NOX3: variants seen among roughly 807,000 people sequenced by gnomAD.
NOX3 encodes the protein NADPH oxidase catalytic subunit-like 3.
Under a neutral mutation model 76.7 loss-of-function variants are expected in NOX3, and 74 were observed. That is an observed-to-expected ratio of 0.96 (90% confidence interval 0.80 to 1.17). The LOEUF (loss-of-function observed/expected upper bound fraction) is 1.17. NOX3 is among the 50% of genes most tolerant of loss of function. The probability of loss-of-function intolerance (pLI) is 0.00; values close to 1 mark genes in which losing one functional copy is unlikely to be tolerated. For synonymous variants in NOX3, 263 were observed against 261.1 expected (o/e 1.01, Z -0.07); for missense variants, 695 against 703.3 (o/e 0.99, Z 0.13).
At chr6:155,432,768 G>C (rs188283909) in intron 7 of NOX3, among the ~76,000 whole-genome samples, 1 of 152,270 alleles carries the variant, frequency 6.6e-6, no homozygotes, top group East Asian at 1.9e-4. Flanking sequence ...GCCCAGCAAT[G>C]TGTTCAGAAC....
At chr6:155,442,202 T>C (rs374302566) in intron 5 of NOX3, among the ~76,000 whole-genome samples, 4 of 152,090 alleles carry the variant, frequency 2.6e-5, no homozygotes, top group Middle Eastern at 6.3e-3. Context: ...AGGCGGAGCT[T>C]GCAGTGAGCC....
At chr6:155,445,365 T>C (rs1338741655) in intron 4 of NOX3, among the ~76,000 whole-genome samples, 1 of 152,194 alleles carries the variant, frequency 6.6e-6, no homozygotes, top group Admixed American at 6.5e-5. Context: ...ACATTGTGGG[T>C]TGAGGTGTGG....
chr6:155,411,172 T>G (rs1776544554), intron 11 of NOX3, 42 bp downstream of exon 11: 1 of 1,570,144 alleles, frequency 6.4e-7, no homozygotes, highest in Non-Finnish European at 8.7e-7. Context: ...TGCTATTAGA[T>G]GAGTTCAGCA....
chr6:155,400,329 G>A (rs1426480761), intron 12 of NOX3, among the ~76,000 whole-genome samples: 3 of 152,076 alleles, frequency 2.0e-5, no homozygotes, highest in Middle Eastern at 3.2e-3. Flanking sequence ...TTATGTGTTG[G>A]CTTTTATGCT....
rs374191923 is a variant in NOX3, at chr6:155,422,540, G to A, written c.1308+154C>T. On this transcript the variant is annotated intron_variant, in intron 10 of 13. Coordinates refer to ENST00000159060, the MANE Select transcript of NOX3 (RefSeq NM_015718.3). Reference sequence around the variant, plus strand: ...TAACCCTACTCATAAATGTAATACTGAGTGGAGATTTTTAAGAACATAAGT... The same window carrying A: ...TAACCCTACTCATAAATGTAATACTAAGTGGAGATTTTTAAGAACATAAGT... Among the ~76,000 whole-genome samples, 53 of 152,292 alleles carry A rather than the reference G, an allele frequency of 3.5e-4. No individual in the cohort carries two copies. The South Asian group carries it at 0.011, about 30-fold the overall frequency.
In NOX3 at chr6:155,411,376, G is replaced by A. The variant is rs376412925; in HGVS notation, c.1309-16C>T. Reference sequence around the variant, plus strand: ...AGAAATACACCTGTCAAGAGAGAAGGCAAGTGAACGGATCTATTCTCTTTT... The same window carrying A: ...AGAAATACACCTGTCAAGAGAGAAGACAAGTGAACGGATCTATTCTCTTTT... On this transcript the variant is annotated splice_polypyrimidine_tract_variant and intron_variant, in intron 10 of 13. Coordinates refer to ENST00000159060, the MANE Select transcript of NOX3 (RefSeq NM_015718.3). 1.2e-6 allele frequency: 2 copies of A among 1,609,422 alleles called. No individual in the cohort carries two copies. The highest frequency in any genetic ancestry group is 1.7e-5 in the Admixed American group (1 of 59,352).
chr6:155,426,798 C>A (rs1776759650), intron 9 of NOX3, among the ~76,000 whole-genome samples: 1 of 152,066 alleles, frequency 6.6e-6, no homozygotes, highest in African/African-American at 2.4e-5. Context: ...TACTGAGTAA[C>A]CAGTACTGAG....
At chr6:155,405,147 G>A (rs980971931) in intron 12 of NOX3, among the ~76,000 whole-genome samples, 1 of 152,142 alleles carries the variant, frequency 6.6e-6, no homozygotes, top group African/African-American at 2.4e-5. Flanking sequence ...GGAAGCCCAC[G>A]AGGCAGAAAT....
intron 7 of NOX3, among the ~76,000 whole-genome samples, chr6:155,435,516 A>T (rs1250306644): frequency 8.0e-6 from 1 of 125,578 alleles, no homozygotes; most frequent in Admixed American, 7.3e-5. Flanking sequence ...AATTTAATAT[A>T]TTTGAGGGTT....
chr6:155,408,953 G>C (rs530015765), intron 11 of NOX3, among the ~76,000 whole-genome samples: 19 of 151,496 alleles, frequency 1.3e-4, no homozygotes, highest in African/African-American at 3.1e-4. Flanking sequence ...GGCTCCAAAA[G>C]GGGGGGAGGG....
At chr6:155,433,097 G>A (rs539626920) in intron 7 of NOX3, among the ~76,000 whole-genome samples, 10 of 152,248 alleles carry the variant, frequency 6.6e-5, no homozygotes, top group African/African-American at 1.9e-4. Flanking sequence ...ACTTCATTTT[G>A]GTGATGTCAA....
intron 3 of NOX3, among the ~76,000 whole-genome samples, chr6:155,454,403 A>C (rs986991257): frequency 6.6e-6 from 1 of 152,230 alleles, no homozygotes; most frequent in East Asian, 1.9e-4. Flanking sequence ...AGAGGTTAAA[A>C]TCTACATAAT....
At chr6:155,396,608 G>T (rs569412282) in intron 13 of NOX3, among the ~76,000 whole-genome samples, 2 of 152,306 alleles carry the variant, frequency 1.3e-5, no homozygotes, top group South Asian at 4.1e-4. Flanking sequence ...TGACTTCAGC[G>T]TCCATCAGTA....
intron 13 of NOX3, among the ~76,000 whole-genome samples, chr6:155,395,891 G>A (rs933851749): frequency 1.3e-5 from 2 of 152,036 alleles, no homozygotes; most frequent in East Asian, 3.8e-4. Flanking sequence ...AGAATAACAA[G>A]CATTTGTTAA....
intron 9 of NOX3, among the ~76,000 whole-genome samples, chr6:155,427,028 T>TGCGTGC (rs1554263763): frequency 8.2e-6 from 1 of 121,754 alleles, no homozygotes; most frequent in African/African-American, 3.3e-5. Context: ...TGTGTGTGTG[T>TGCGTGC]GCTGGGGGGG....
intron 4 of NOX3, among the ~76,000 whole-genome samples, chr6:155,451,916 C>G (rs1413720531): frequency 6.6e-6 from 1 of 152,204 alleles, no homozygotes; most frequent in Non-Finnish European, 1.5e-5. Context: ...GCGTAAACCA[C>G]CATGCCCGGC....
At chr6:155,421,594 C>A (rs374602908) in intron 10 of NOX3, among the ~76,000 whole-genome samples, 2 of 152,182 alleles carry the variant, frequency 1.3e-5, no homozygotes, top group African/African-American at 4.8e-5. Context: ...GACAGAGTCT[C>A]GCTCTGTTGC....
intron 6 of NOX3, among the ~76,000 whole-genome samples, chr6:155,438,983 C>T (rs1776946444): frequency 6.6e-6 from 1 of 152,206 alleles, no homozygotes; most frequent in Non-Finnish European, 1.5e-5. Context: ...CAGGGGCTTG[C>T]AAACCAGAGT....
chr6:155,413,034 G>A (rs915924042), intron 10 of NOX3, among the ~76,000 whole-genome samples: 1 of 152,136 alleles, frequency 6.6e-6, no homozygotes, highest in South Asian at 2.1e-4. Flanking sequence ...CTTGTTTTTG[G>A]CCTCTTGTGT....
Sources: gnomAD v4.1 joint callset for allele counts (sites outside exome capture counted in the v4.1 genomes callset) on GRCh38, gnomAD v4.1.1 for gene constraint, MANE v1.5 for transcripts, NCBI Gene and HGNC (gene_info 2026-07-23, HGNC 2026-07-21) for gene names.